Variants in RASSF3 observed in about 807,000 individuals in gnomAD.
RASSF3 encodes the protein Ras association domain family member 3.
RASSF3 carries 19 observed loss-of-function variants against 19.9 expected under a neutral mutation model. That is an observed-to-expected ratio of 0.96 (90% CI 0.67 to 1.40). RASSF3 has a LOEUF of 1.40. Ranked by LOEUF, RASSF3 falls within the 40% of genes most tolerant of loss-of-function variation. The probability of loss-of-function intolerance (pLI) is 0.00; values close to 1 mark genes in which losing one functional copy is unlikely to be tolerated. For missense variants in RASSF3, 306 were observed against 289.8 expected (o/e 1.06, Z -0.41); for synonymous variants, 110 against 104.2 (o/e 1.06, Z -0.34).
chr12:64,609,379 T>C (rs979851595), upstream of RASSF3: 9 of 152,200 alleles, frequency 5.9e-5, no homozygotes, highest in East Asian at 1.5e-3. Flanking sequence ...AAGGAGATAA[T>C]GTAAGAGAGT....
At chr12:64,630,588 A>G (rs1871140652) in intron 1 of RASSF3, among the ~76,000 whole-genome samples, 1 of 152,208 alleles carries the variant, frequency 6.6e-6, no homozygotes, top group Admixed American at 6.6e-5. Context: ...TTTTACTCCC[A>G]GGACATGTGA....
At chr12:64,630,749 G>A (rs1373170139) in intron 1 of RASSF3, among the ~76,000 whole-genome samples, 4 of 152,256 alleles carry the variant, frequency 2.6e-5, no homozygotes, top group African/African-American at 9.6e-5. Flanking sequence ...CACTGAATGT[G>A]GGCAGAGAGG....
chr12:64,610,850 C>T (rs1870329014), intron 1 of RASSF3, 107 bp downstream of exon 1: 4 of 576,576 alleles, frequency 6.9e-6, no homozygotes, highest in Non-Finnish European at 8.5e-6. Context: ...TCGGGGGATG[C>T]TCGCCGGGAA....
chr12:64,634,936 A>C (rs1871283518), intron 1 of RASSF3, among the ~76,000 whole-genome samples: 1 of 149,498 alleles, frequency 6.7e-6, no homozygotes, highest in Non-Finnish European at 1.5e-5. Flanking sequence ...AAATCCATGC[A>C]TAGTTTCTTC....
chr12:64,638,108 G>A (rs765129879), intron 1 of RASSF3, among the ~76,000 whole-genome samples: 2 of 152,070 alleles, frequency 1.3e-5, no homozygotes, highest in Non-Finnish European at 2.9e-5. Flanking sequence ...GGGATTATAG[G>A]CATGAGCCTA....
rs60003798 is a variant in RASSF3 at position 64,648,802 on chromosome 12, A to ATT, written c.112-35966_112-35965dup. Among the ~76,000 whole-genome samples the ATT allele has an allele frequency of 6.9e-3, 723 of 104,968 alleles. 33 individuals are homozygous for ATT. The highest frequency in any genetic ancestry group is 0.027 in the African/African-American group (687 of 25,650). The allele number at this position is 104,968 out of a possible 152,430, so 68.9% of individuals were successfully genotyped here. A position where few individuals can be genotyped will look rare whatever the true frequency, so the allele number is the denominator to read the frequency against. The stretch of plus-strand genomic sequence containing the variant: ...GGCCAAGCTTCTTGTTTTTACATTG[A>ATT]TTTTTTTTTTTTTTTTTTTTAGAGA... On this transcript the variant is annotated intron_variant, in intron 1 of 4. Coordinates refer to ENST00000542104, the MANE Select transcript of RASSF3 (RefSeq NM_178169.4).
intron 2 of RASSF3, among the ~76,000 whole-genome samples, chr12:64,557,294 A>G (rs1282109798): frequency 1.3e-5 from 2 of 152,152 alleles, no homozygotes; most frequent in Admixed American, 6.5e-5. Flanking sequence ...GTCCATACAC[A>G]GTTACAGTGG....
intron 2 of RASSF3, among the ~76,000 whole-genome samples, chr12:64,552,674 G>A (rs777580286): frequency 2.6e-4 from 40 of 152,206 alleles, no homozygotes; most frequent in Non-Finnish European, 4.1e-4. Context: ...ATGACTTCCA[G>A]CTCCATCCAT....
At chr12:64,520,537 CAGAT>C (rs1273397714) in intron 1 of RASSF3, among the ~76,000 whole-genome samples, 63 of 131,104 alleles carry the variant, frequency 4.8e-4, no homozygotes, top group African/African-American at 1.8e-3. Context: ...TATACACACA[CAGAT>C]ACACACATAC....
At chr12:64,533,552 GGCAAAC>G (rs1452257535) in intron 1 of RASSF3, 1 of 152,176 alleles carries the variant, frequency 6.6e-6, no homozygotes, top group Non-Finnish European at 1.5e-5. Flanking sequence ...ATTTCTTGTA[GGCAAAC>G]GTGCTTTCAA....
chr12:64,561,446 T>A (rs1869345446), intron 2 of RASSF3, among the ~76,000 whole-genome samples: 1 of 152,192 alleles, frequency 6.6e-6, no homozygotes, highest in Non-Finnish European at 1.5e-5. Context: ...CCCCAGGGAC[T>A]AGATGCCAGT....
chr12:64,681,494 G>A (rs1446611398), intron 1 of RASSF3, among the ~76,000 whole-genome samples: 1 of 152,180 alleles, frequency 6.6e-6, no homozygotes, highest in African/African-American at 2.4e-5. Flanking sequence ...CAGGTGTGGT[G>A]CACTTTCTGC....
At chr12:64,549,600 A>G (rs1373640275) in intron 2 of RASSF3, among the ~76,000 whole-genome samples, 2 of 152,192 alleles carry the variant, frequency 1.3e-5, no homozygotes, top group African/African-American at 2.4e-5. Context: ...TTAGGAGTCA[A>G]TGGTAAAACT....
At chr12:64,581,115 A>AG (rs1869687863) in intron 2 of RASSF3, among the ~76,000 whole-genome samples, 2 of 152,010 alleles carry the variant, frequency 1.3e-5, no homozygotes, top group African/African-American at 4.8e-5. Flanking sequence ...TGTGGTAAAA[A>AG]AAAAAAAGAG....
chr12:64,566,280 C>T (rs1869430407), intron 2 of RASSF3, among the ~76,000 whole-genome samples: 2 of 152,214 alleles, frequency 1.3e-5, no homozygotes, highest in South Asian at 4.1e-4. Context: ...CCATCCTAGA[C>T]ATTTCTGCTT....
At chr12:64,676,711 T>A (rs1338586032) in intron 1 of RASSF3, among the ~76,000 whole-genome samples, 5 of 152,014 alleles carry the variant, frequency 3.3e-5, no homozygotes, top group Non-Finnish European at 7.4e-5. Flanking sequence ...CTGCAGGTGA[T>A]CTATCCACCT....
At chr12:64,656,526 G>T (rs934516673) in intron 1 of RASSF3, among the ~76,000 whole-genome samples, 1 of 152,112 alleles carries the variant, frequency 6.6e-6, no homozygotes, top group South Asian at 2.1e-4. Context: ...ACCTTTTTCT[G>T]TTCTCCAGAT....
intron 2 of RASSF3, among the ~76,000 whole-genome samples, chr12:64,562,342 C>A (rs1014233618): frequency 1.3e-5 from 2 of 152,010 alleles, no homozygotes; most frequent in Admixed American, 1.3e-4. Context: ...CACCTGAGTA[C>A]CCACCGCATT....
chr12:64,604,486 C>A (rs1592414775), intron 2 of RASSF3, among the ~76,000 whole-genome samples: 2 of 151,944 alleles, frequency 1.3e-5, no homozygotes, highest in South Asian at 4.2e-4. Flanking sequence ...AGTTATTATA[C>A]CATTTATTCC....
Sources: allele counts gnomAD v4.1 joint callset (sites outside exome capture counted in the v4.1 genomes callset), GRCh38; gene constraint gnomAD v4.1.1; transcripts MANE v1.5; gene names NCBI Gene and HGNC (gene_info 2026-07-23, HGNC 2026-07-21).